Variants in EPB41L2 observed in about 807,000 individuals in gnomAD.
The protein encoded by EPB41L2 is erythrocyte membrane protein band 4.1 like 2.
In EPB41L2, 43 loss-of-function variants were observed where a neutral mutation model predicts 113.0. That is an observed-to-expected ratio of 0.38 (90% CI 0.30 to 0.49). The LOEUF (loss-of-function observed/expected upper bound fraction) is 0.49. Ranked by LOEUF, EPB41L2 falls within the 20% of genes least tolerant of loss-of-function variation. EPB41L2 has a pLI of 0.95. For missense variants in EPB41L2, 1,147 were observed against 1,223.4 expected (o/e 0.94, Z 0.93); for synonymous variants, 442 against 436.7 (o/e 1.01, Z -0.15).
At chr6:130,863,373 TTA>T in intron 18 of EPB41L2, among the ~76,000 whole-genome samples, 1 of 152,220 alleles carries the variant, frequency 6.6e-6, no homozygotes, top group East Asian at 1.9e-4. Context: ...CACACGAATC[TTA>T]TGTTTTCCAG....
At chr6:131,008,429 G>A (rs1241473169) in intron 1 of EPB41L2, among the ~76,000 whole-genome samples, 2 of 152,266 alleles carry the variant, frequency 1.3e-5, no homozygotes, top group East Asian at 1.9e-4. Flanking sequence ...TGCTGCAGAA[G>A]TCGAGCTCTC....
At chr6:131,028,243 T>G (rs1052572408) in intron 1 of EPB41L2, among the ~76,000 whole-genome samples, 4 of 152,340 alleles carry the variant, frequency 2.6e-5, no homozygotes, top group African/African-American at 9.6e-5. Context: ...GAAGAGTATA[T>G]GCCAAACAAG....
chr6:130,991,428 T>G (rs1357510996), intron 1 of EPB41L2, among the ~76,000 whole-genome samples: 1 of 152,222 alleles, frequency 6.6e-6, no homozygotes, highest in African/African-American at 2.4e-5. Flanking sequence ...TTAATAAATT[T>G]AAGAGGCTTT....
At chr6:131,030,138 C>T (rs1332492) in intron 1 of EPB41L2, among the ~76,000 whole-genome samples, 25,209 of 152,180 alleles carry the variant, frequency 0.17, 2,217 homozygotes, top group African/African-American at 0.22. Context: ...TGCCAAGTGA[C>T]TCGCTCAAGA....
At chr6:130,910,064 T>C (rs886982497) in intron 4 of EPB41L2, among the ~76,000 whole-genome samples, 2 of 152,226 alleles carry the variant, frequency 1.3e-5, no homozygotes, top group Non-Finnish European at 2.9e-5. Context: ...GGAGCCCATA[T>C]AGCCAAGACA....
chr6:130,911,169 T>C (rs949306605), intron 4 of EPB41L2, among the ~76,000 whole-genome samples: 2 of 152,166 alleles, frequency 1.3e-5, no homozygotes, highest in African/African-American at 4.8e-5. Context: ...ATGTGGCACA[T>C]ATACACCACG....
At chr6:130,942,052 T>C (rs1286248970) in intron 3 of EPB41L2, among the ~76,000 whole-genome samples, 1 of 152,224 alleles carries the variant, frequency 6.6e-6, no homozygotes, top group Non-Finnish European at 1.5e-5. Context: ...AATCCACGGA[T>C]TTTTACAGAC....
At chr6:130,914,752 T>C (rs914657482) in intron 4 of EPB41L2, among the ~76,000 whole-genome samples, 1 of 152,166 alleles carries the variant, frequency 6.6e-6, no homozygotes, top group Admixed American at 6.5e-5. Context: ...ATTTATCTTG[T>C]TTTATTAAAA....
At chr6:130,993,294 A>T (rs1782305635) in intron 1 of EPB41L2, among the ~76,000 whole-genome samples, 1 of 152,196 alleles carries the variant, frequency 6.6e-6, no homozygotes, top group Non-Finnish European at 1.5e-5. Flanking sequence ...TAGATAAGAG[A>T]AATATGAAAT....
At chr6:130,972,054 T>C (rs1396172481) in intron 1 of EPB41L2, among the ~76,000 whole-genome samples, 2 of 152,210 alleles carry the variant, frequency 1.3e-5, no homozygotes, top group South Asian at 2.1e-4. Flanking sequence ...CCAGGTCCAG[T>C]AGCTCATGCC....
intron 1 of EPB41L2, among the ~76,000 whole-genome samples, chr6:130,967,988 T>C (rs1346943910): frequency 1.3e-5 from 2 of 152,162 alleles, no homozygotes; most frequent in East Asian, 1.9e-4. Flanking sequence ...CAAACTCCCA[T>C]GATCATGACA....
In EPB41L2 at chr6:130,969,463, C is replaced by G. The variant is rs565296004; in HGVS notation, c.-14-12964G>C. On this transcript the variant is annotated intron_variant, in intron 1 of 19. Transcript: ENST00000337057. ...AAGAACACGCAAGAAGATTTTTTCC[C>G]AAGTCTGGATGTCAGAATCTGGGCA... Among the ~76,000 whole-genome samples the G allele has an allele frequency of 2.4e-4, 36 of 152,216 alleles. No individual in the cohort carries two copies. In the South Asian group the frequency reaches 7.3e-3, roughly 31 times the overall value.
intron 12 of EPB41L2, chr6:130,882,071 T>C (rs1366046805): frequency 1.3e-5 from 2 of 152,176 alleles, no homozygotes; most frequent in Non-Finnish European, 2.9e-5. Context: ...TCTACTAATA[T>C]ACATCAGGAA....
At chr6:131,037,653 A>G (rs1022754889) in intron 1 of EPB41L2, among the ~76,000 whole-genome samples, 4 of 146,136 alleles carry the variant, frequency 2.7e-5, no homozygotes, top group African/African-American at 1.0e-4. Context: ...CACTGGTGCA[A>G]CCTTGGCTCA....
At chr6:131,026,034 A>C (rs1478620845) in intron 1 of EPB41L2, among the ~76,000 whole-genome samples, 1 of 152,242 alleles carries the variant, frequency 6.6e-6, no homozygotes, top group Non-Finnish European at 1.5e-5. Context: ...ATTATTAAAA[A>C]GACTTTTTAT....
At chr6:130,880,121 T>C (rs1215407337) in intron 13 of EPB41L2, 23 bp downstream of exon 13, 8 of 1,570,414 alleles carry the variant, frequency 5.1e-6, no homozygotes, top group Middle Eastern at 1.7e-4. Context: ...TAGGACAGAG[T>C]TGTTTTCTTA....
At chr6:130,855,935 G>C (rs1472777920) in intron 19 of EPB41L2, among the ~76,000 whole-genome samples, 1 of 152,094 alleles carries the variant, frequency 6.6e-6, no homozygotes, top group African/African-American at 2.4e-5. Context: ...CCATTATAAA[G>C]TTATAGTAAT....
At chr6:130,982,133 A>C (rs1481265927) in intron 1 of EPB41L2, among the ~76,000 whole-genome samples, 2 of 151,986 alleles carry the variant, frequency 1.3e-5, no homozygotes, top group South Asian at 4.1e-4. Flanking sequence ...TTTTTAAGTC[A>C]ATTAGGAATA....
rs398048854 is a variant in EPB41L2, at chr6:130,925,190, C to CTTTTTTTTT, written c.810+1406_810+1414dup. 5.2e-4 allele frequency among the ~76,000 whole-genome samples: 68 copies of CTTTTTTTTT among 130,410 alleles called. 1 individual carries two copies. The highest frequency in any genetic ancestry group is 1.4e-3 in the African/African-American group (48 of 33,350). The allele number at this position is 130,410 out of a possible 152,430, so 85.6% of individuals were successfully genotyped here. On this transcript the variant is annotated intron_variant, in intron 4 of 19. Transcript: ENST00000337057. ...ATTTCAAAAATATCAGATTTCTTTT[C>CTTTTTTTTT]TTTTTTTTTTTTTTTTGAGACAGAG...
Sources: gnomAD v4.1 joint callset for allele counts (sites outside exome capture counted in the v4.1 genomes callset) on GRCh38, gnomAD v4.1.1 for gene constraint, MANE v1.5 for transcripts, NCBI Gene and HGNC (gene_info 2026-07-23, HGNC 2026-07-21) for gene names.